Variants in MEGF11 observed in about 807,000 individuals in gnomAD.
MEGF11 encodes multiple EGF like domains 11, also known as multiple epidermal growth factor-like domains protein 11.
MEGF11 carries 126 observed loss-of-function variants against 146.6 expected under a neutral mutation model. The observed-to-expected ratio is 0.86, with a 90% CI of 0.74 to 1.00. MEGF11 has a LOEUF of 1.00. Ranked by LOEUF, MEGF11 falls within the 50% of genes least tolerant of loss-of-function variation. The probability of loss-of-function intolerance (pLI) is 0.00; values close to 1 mark genes in which losing one functional copy is unlikely to be tolerated. For synonymous variants in MEGF11, 532 were observed against 583.4 expected, an observed-to-expected ratio of 0.91 and a Z score of 1.27; for missense variants, 1,509 against 1,521.2, an observed-to-expected ratio of 0.99 and a Z score of 0.13.
At chr15:66,110,425 G>T (rs976040189) in intron 4 of MEGF11, among the ~76,000 whole-genome samples, 1 of 152,190 alleles carries the variant, frequency 6.6e-6, no homozygotes, top group Non-Finnish European at 1.5e-5. Context: ...GACCACGGTG[G>T]CTGCATTAAC....
intron 7 of MEGF11, among the ~76,000 whole-genome samples, chr15:65,979,519 G>A (rs761027072): frequency 2.6e-5 from 4 of 152,204 alleles, no homozygotes; most frequent in Non-Finnish European, 4.4e-5. Flanking sequence ...CAGGGGAGGT[G>A]GTGGACTGTG....
At chr15:66,046,983 T>C (rs2084232460) in intron 5 of MEGF11, among the ~76,000 whole-genome samples, 1 of 152,312 alleles carries the variant, frequency 6.6e-6, no homozygotes, top group Admixed American at 6.5e-5. Flanking sequence ...GGAAGTGATA[T>C]TGTCAGTGAA....
intron 4 of MEGF11, among the ~76,000 whole-genome samples, chr15:66,107,054 A>AAC (rs1555471313): frequency 7.6e-6 from 1 of 132,436 alleles, no homozygotes; most frequent in Admixed American, 7.9e-5. Flanking sequence ...TTATATTCCT[A>AAC]CCCCCCCACC....
chr15:66,123,766 A>C (rs1433723185), intron 3 of MEGF11, 133 bp downstream of exon 3: 1 of 696,352 alleles, frequency 1.4e-6, no homozygotes, highest in Non-Finnish European at 2.5e-6. Context: ...AGCCATCAGC[A>C]GAGCATCTTG....
At chr15:66,165,425 C>T (rs2090070791) in intron 1 of MEGF11, among the ~76,000 whole-genome samples, 1 of 152,214 alleles carries the variant, frequency 6.6e-6, no homozygotes, top group Admixed American at 6.5e-5. Flanking sequence ...GACCATTTTA[C>T]TCAGGAGAGT....
chr15:66,128,389 C>T lies in MEGF11; in HGVS notation c.15G>A (p.Leu5=). ...GGAAGGAGAAGGCAATGAGCCCCGT[C>T]AGGGAGAGCACCATCCCGGGCCCTG... MVLS[L]TGLIAFSFLQ... is the part of the protein sequence containing the mutation. The change falls in exon 2 of 26, where the codon CTG becomes CTA. Residue 5 remains leucine, a synonymous_variant. Transcript: ENST00000395614. 6.6e-7 allele frequency: 1 copy of T among 1,516,710 alleles called. No homozygotes were observed. Among genetic ancestry groups the T allele is most frequent in the South Asian group, 1.3e-5 (1 of 78,526 alleles). The allele number at this position is 1,516,710 out of a possible 1,614,324, so 94.0% of individuals were successfully genotyped here.
intron 10 of MEGF11, among the ~76,000 whole-genome samples, chr15:65,949,473 C>T (rs997004352): frequency 6.6e-6 from 1 of 152,176 alleles, no homozygotes; most frequent in Non-Finnish European, 1.5e-5. Flanking sequence ...TAATGGCAGA[C>T]AGGGCTTCAA....
At chr15:66,170,694 G>A (rs1213211459) in intron 1 of MEGF11, among the ~76,000 whole-genome samples, 1 of 152,180 alleles carries the variant, frequency 6.6e-6, no homozygotes, top group Admixed American at 6.5e-5. Context: ...AATGGGAGGG[G>A]GGCCTTTGAA....
intron 24 of MEGF11, among the ~76,000 whole-genome samples, chr15:65,904,967 A>G (rs2078583926): frequency 1.3e-5 from 2 of 152,180 alleles, no homozygotes; most frequent in Non-Finnish European, 2.9e-5. Context: ...ATCTGGGTTC[A>G]CTGCAACCTT....
At chr15:65,925,244 C>G (rs2079331655) in intron 13 of MEGF11, among the ~76,000 whole-genome samples, 1 of 152,170 alleles carries the variant, frequency 6.6e-6, no homozygotes. Context: ...ATTGTGGAAT[C>G]CTTAGTGTTT....
At chr15:66,027,987 C>T (rs935041402) in intron 5 of MEGF11, among the ~76,000 whole-genome samples, 1 of 152,216 alleles carries the variant, frequency 6.6e-6, no homozygotes, top group African/African-American at 2.4e-5. Context: ...GGGAAACCCT[C>T]TGAAAAGAGG....
chr15:66,250,764 T>C (rs2092359537), intron 1 of MEGF11, among the ~76,000 whole-genome samples: 2 of 151,900 alleles, frequency 1.3e-5, no homozygotes, highest in South Asian at 4.2e-4. Context: ...AAAATTAGCC[T>C]GGCATGGTGG....
intron 10 of MEGF11, among the ~76,000 whole-genome samples, chr15:65,938,291 A>G (rs976727272): frequency 2.0e-5 from 3 of 152,258 alleles, no homozygotes; most frequent in Non-Finnish European, 4.4e-5. Context: ...CAAGGTGAAC[A>G]TTCATTTGGA....
intron 13 of MEGF11, among the ~76,000 whole-genome samples, chr15:65,923,190 T>C (rs2079237532): frequency 6.6e-6 from 1 of 152,116 alleles, no homozygotes; most frequent in Admixed American, 6.6e-5. Flanking sequence ...ACCAAGCAAA[T>C]GAAATTATAT....
chr15:66,032,653 T>A (rs982759033), intron 5 of MEGF11, among the ~76,000 whole-genome samples: 1 of 152,238 alleles, frequency 6.6e-6, no homozygotes, highest in East Asian at 1.9e-4. Context: ...AGCAAAGAAC[T>A]TGGCTGAACT....
chr15:66,242,955 G>A (rs1057403146), intron 1 of MEGF11, among the ~76,000 whole-genome samples: 4 of 152,168 alleles, frequency 2.6e-5, no homozygotes, highest in African/African-American at 9.7e-5. Flanking sequence ...GTTGCCACTT[G>A]TCTCTGGGTA....
chr15:66,221,892 C>A (rs1026920970), intron 1 of MEGF11, among the ~76,000 whole-genome samples: 4 of 152,114 alleles, frequency 2.6e-5, no homozygotes, highest in Non-Finnish European at 2.9e-5. Context: ...AAAAGCTGCC[C>A]CTGCTAACAG....
At chr15:65,906,831 G>C (rs1279373554) in intron 23 of MEGF11, among the ~76,000 whole-genome samples, 1 of 152,198 alleles carries the variant, frequency 6.6e-6, no homozygotes, top group African/African-American at 2.4e-5. Flanking sequence ...TTTTTGAAAA[G>C]TATTACCAGT....
chr15:66,087,217 A>G (rs1002330093), intron 5 of MEGF11, among the ~76,000 whole-genome samples: 2 of 152,204 alleles, frequency 1.3e-5, no homozygotes, highest in Non-Finnish European at 2.9e-5. Context: ...CGGCAACACA[A>G]TAATAGTGGG....
Sources: gnomAD v4.1 joint callset for allele counts (sites outside exome capture counted in the v4.1 genomes callset) on GRCh38, gnomAD v4.1.1 for gene constraint, MANE v1.5 for transcripts, NCBI Gene and HGNC (gene_info 2026-07-23, HGNC 2026-07-21) for gene names.